PLCH1: variants seen among roughly 807,000 people sequenced by gnomAD.
The protein encoded by PLCH1 is phospholipase C eta 1.
PLCH1 carries 60 observed loss-of-function variants against 126.7 expected under a neutral mutation model. The ratio of observed to expected loss-of-function variants is 0.47; its 90% CI spans 0.38 to 0.59. The LOEUF (loss-of-function observed/expected upper bound fraction) is 0.59. Among genes scored for constraint, PLCH1 ranks in the 20% least tolerant of loss-of-function variants. PLCH1 has a pLI of 0.00. For synonymous variants in PLCH1, 719 were observed against 734.9 expected (o/e 0.98, Z 0.35); for missense variants, 1,723 against 2,040.0 (o/e 0.84, Z 2.99).
rs555300539 is a variant in PLCH1 at position 155,616,326 on chromosome 3, G to A, written c.80-19948C>T. Among the ~76,000 whole-genome samples the A allele has an allele frequency of 3.9e-5, 6 of 152,270 alleles. 1 individual carries two copies. In the East Asian group the frequency reaches 1.2e-3, roughly 29 times the overall value. ...CTGAAAGTTTAAGCAAGGTGTAGGA[G>A]GTTTGTAAAAGATTAATCTTACAAA... is the stretch of plus-strand genomic sequence containing the variant. On this transcript the variant is annotated intron_variant, in intron 2 of 22. Coordinates refer to ENST00000460012, the MANE Select transcript of PLCH1 (RefSeq NM_014996.4).
intron 3 of PLCH1, among the ~76,000 whole-genome samples, chr3:155,594,492 G>A (rs917048669): frequency 1.3e-5 from 2 of 152,050 alleles, no homozygotes; most frequent in African/African-American, 2.4e-5. Context: ...AGAATTGCTC[G>A]AACCTGGGAG....
rs1264988393 is a variant in PLCH1, at chr3:155,549,919, G to T, written c.1230C>A (p.Ile410=). Residue 410 remains isoleucine, a synonymous_variant, in exon 10 of 23, where the codon ATC becomes ATA. Transcript: ENST00000460012. The part of the protein sequence containing the change: ...VILSIENHCS[I]QQQRKIAQYL... Reference sequence around the variant, plus strand: ...ACTGAGCAATCTTCCTTTGCTGCTGGATACTGCAGTGATTCTCGATAGACA... The same window carrying T: ...ACTGAGCAATCTTCCTTTGCTGCTGTATACTGCAGTGATTCTCGATAGACA... 6.2e-7 allele frequency: 1 copy of T among 1,613,662 alleles called. No individual in the cohort carries two copies. The highest frequency in any genetic ancestry group is 1.7e-5 in the Admixed American group (1 of 59,984).
intron 2 of PLCH1, among the ~76,000 whole-genome samples, chr3:155,667,082 G>A (rs1366267366): frequency 6.6e-6 from 1 of 152,092 alleles, no homozygotes; most frequent in Non-Finnish European, 1.5e-5. Context: ...TCTTTGAAGT[G>A]CACAGAATCC....
intron 2 of PLCH1, among the ~76,000 whole-genome samples, chr3:155,683,212 C>T (rs185416118): frequency 1.7e-4 from 26 of 152,138 alleles, no homozygotes; most frequent in Admixed American, 3.3e-4. Flanking sequence ...CCTCTTTGAA[C>T]GCTGCCTGCT....
chr3:155,487,207 C>G (rs1263111386), intron 21 of PLCH1: 1 of 152,154 alleles, frequency 6.6e-6, no homozygotes, highest in African/African-American at 2.4e-5. Context: ...TTACTGCGTA[C>G]CAGGCAGCTT....
At chr3:155,732,024 A>G (rs1433868807) in intron 1 of PLCH1, among the ~76,000 whole-genome samples, 9 of 150,624 alleles carry the variant, frequency 6.0e-5, no homozygotes, top group African/African-American at 2.2e-4. Context: ...GAAACATGAC[A>G]CCTCCAACTG....
At chr3:155,742,574 C>T (rs959313695) in intron 1 of PLCH1, 2 of 152,158 alleles carry the variant, frequency 1.3e-5, no homozygotes, top group South Asian at 2.1e-4. Context: ...CTCCTGGAAC[C>T]AGCAGAAACA....
intron 2 of PLCH1, among the ~76,000 whole-genome samples, chr3:155,655,045 C>T (rs1277822686): frequency 6.6e-6 from 1 of 152,158 alleles, no homozygotes; most frequent in Non-Finnish European, 1.5e-5. Flanking sequence ...TTCCTGAACA[C>T]TCTGCCTTTA....
intron 1 of PLCH1, among the ~76,000 whole-genome samples, chr3:155,717,597 C>G (rs1747623491): frequency 6.6e-6 from 1 of 152,214 alleles, no homozygotes; most frequent in Non-Finnish European, 1.5e-5. Context: ...AGCAGCAGTC[C>G]AAGCTGTATC....
downstream of PLCH1, among the ~76,000 whole-genome samples, chr3:155,478,117 A>G (rs1335591637): frequency 6.6e-6 from 1 of 152,192 alleles, no homozygotes; most frequent in Non-Finnish European, 1.5e-5. Flanking sequence ...ACTGGAGATC[A>G]TTAGGTTAAG....
chr3:155,518,955 A>C (rs1720713772), intron 11 of PLCH1, among the ~76,000 whole-genome samples: 2 of 152,246 alleles, frequency 1.3e-5, no homozygotes, highest in African/African-American at 4.8e-5. Flanking sequence ...AAAATAAAGA[A>C]TGCTTAACAC....
At chr3:155,689,535 A>G (rs1745210968) in intron 2 of PLCH1, among the ~76,000 whole-genome samples, 1 of 152,154 alleles carries the variant, frequency 6.6e-6, no homozygotes, top group Admixed American at 6.5e-5. Context: ...AATTCAAGAT[A>G]ACACAGAGAA....
At chr3:155,658,245 G>A in intron 2 of PLCH1, 1 of 214,486 alleles carries the variant, frequency 4.7e-6, no homozygotes, top group South Asian at 8.9e-5. Context: ...CACCACACAG[G>A]CAAGAGGGTG....
Position 155,479,995 on chromosome 3 carries a change from G to T in PLCH1, c.*973C>A, listed in dbSNP as rs1713765916. ...ACATCTGAACATGCAATAAAAAAGT[G>T]AATTCACAGTGAAAATAATGCATGT... On this transcript the variant is annotated 3_prime_UTR_variant, in exon 23 of 23. Transcript: ENST00000460012. The T allele has an allele frequency of 6.6e-6, 1 of 152,016 alleles. No homozygotes were observed. Among genetic ancestry groups the T allele is most frequent in the South Asian group, 2.1e-4 (1 of 4,808 alleles). The allele number at this position is 152,016 out of a possible 1,614,324, so 9.4% of individuals were successfully genotyped here. A position where few individuals can be genotyped will look rare whatever the true frequency, so the allele number is the denominator to read the frequency against.
chr3:155,527,856 G>C (rs1722161866), intron 10 of PLCH1, among the ~76,000 whole-genome samples: 1 of 148,576 alleles, frequency 6.7e-6, no homozygotes, highest in Non-Finnish European at 1.5e-5. Context: ...GGAGGCAGAA[G>C]TTGCAGTGAG....
rs1308192649 is a variant in PLCH1, at chr3:155,482,323, A to G, written c.3703T>C (p.Cys1235Arg). 6.2e-7 allele frequency: 1 copy of G among 1,614,226 alleles called. No individual in the cohort carries two copies. The highest frequency in any genetic ancestry group is 2.2e-5 in the East Asian group (1 of 44,886). Residue 1235 changes from cysteine to arginine, a missense_variant, in exon 23 of 23, where the codon TGC (cysteine) becomes CGC (arginine). Transcript: ENST00000460012. The part of the protein sequence containing the change: ...GLKMPIKHGF[C>R]KGKSKSSFLC... The stretch of plus-strand genomic sequence containing the variant: ...AAGGAAGACTTGGATTTTCCCTTGC[A>G]AAAACCATGCTTGATGGGCATTTTT...
At chr3:155,653,615 T>C (rs866079679) in intron 2 of PLCH1, among the ~76,000 whole-genome samples, 2 of 152,192 alleles carry the variant, frequency 1.3e-5, no homozygotes, top group Non-Finnish European at 1.5e-5. Flanking sequence ...CTCATTTCCC[T>C]TGTCAGTTCA....
chr3:155,451,029 C>T (rs903716581), intron 21 of PLCH1, among the ~76,000 whole-genome samples: 10 of 151,834 alleles, frequency 6.6e-5, no homozygotes, highest in Admixed American at 3.9e-4. Flanking sequence ...AAGAAGATCC[C>T]CTAATGCCCA....
At chr3:155,470,939 A>T (rs1432282006) in intron 21 of PLCH1, among the ~76,000 whole-genome samples, 3 of 152,166 alleles carry the variant, frequency 2.0e-5, no homozygotes, top group African/African-American at 4.8e-5. Flanking sequence ...CTAAACATGG[A>T]AAGGAACAAC....
Sources: allele counts gnomAD v4.1 joint callset (sites outside exome capture counted in the v4.1 genomes callset), GRCh38; gene constraint gnomAD v4.1.1; transcripts MANE v1.5; gene names NCBI Gene and HGNC (gene_info 2026-07-23, HGNC 2026-07-21).